The following ROBO1 variants were observed in gnomAD, a reference collection of about 807,000 sequenced individuals.
The protein encoded by ROBO1 is roundabout guidance receptor 1.
Under a neutral mutation model 195.9 loss-of-function variants are expected in ROBO1, and 149 were observed. The observed-to-expected ratio is 0.76, with a 90% CI of 0.67 to 0.87. ROBO1 has a LOEUF of 0.87. Among genes scored for constraint, ROBO1 ranks in the 40% least tolerant of loss-of-function variants. ROBO1 has a pLI of 0.00. For synonymous variants in ROBO1, 816 were observed against 733.2 expected (o/e 1.11, Z -1.82); for missense variants, 1,933 against 2,068.3 (o/e 0.93, Z 1.27).
At chr3:78,600,377 C>G in intron 29 of ROBO1, 68 bp from the exon 30 acceptor site, 3 of 996,678 alleles carry the variant, frequency 3.0e-6, no homozygotes, top group Non-Finnish European at 4.6e-6. Flanking sequence ...TTGTATCACT[C>G]CTGTCTATCT....
At chr3:79,264,760 A>G (rs554003825) in intron 2 of ROBO1, among the ~76,000 whole-genome samples, 7 of 151,980 alleles carry the variant, frequency 4.6e-5, no homozygotes, top group African/African-American at 1.7e-4. Context: ...GCATTGAATG[A>G]CATTACTACT....
chr3:79,022,250 G>C (rs529864400), intron 3 of ROBO1, among the ~76,000 whole-genome samples: 1 of 152,326 alleles, frequency 6.6e-6, no homozygotes, highest in African/African-American at 2.4e-5. Flanking sequence ...TAAACACTTA[G>C]TGAACATCAT....
intron 2 of ROBO1, among the ~76,000 whole-genome samples, chr3:79,457,172 A>G (rs1382775415): frequency 6.6e-6 from 1 of 152,178 alleles, no homozygotes; most frequent in Non-Finnish European, 1.5e-5. Context: ...AATCACAGAA[A>G]ATTAAAATTT....
At chr3:79,320,786 T>C (rs949638652) in intron 2 of ROBO1, among the ~76,000 whole-genome samples, 2 of 152,194 alleles carry the variant, frequency 1.3e-5, no homozygotes, top group Non-Finnish European at 2.9e-5. Flanking sequence ...TATCTCAGAG[T>C]GGATGTAAAC....
chr3:78,669,976 A>T, intron 11 of ROBO1, 120 bp downstream of exon 11: 1 of 676,080 alleles, frequency 1.5e-6, no homozygotes, highest in Non-Finnish European at 2.4e-6. Flanking sequence ...AATTAAAAAT[A>T]TATTACTACT....
At chr3:79,513,402 T>A (rs147384982) in intron 2 of ROBO1, among the ~76,000 whole-genome samples, 1,649 of 152,094 alleles carry the variant, frequency 0.011, 28 homozygotes, top group African/African-American at 0.038. Flanking sequence ...ATCTTTATGT[T>A]CCAAGGAGCA....
intron 4 of ROBO1, among the ~76,000 whole-genome samples, chr3:78,837,605 A>AT (rs947804979): frequency 1.3e-5 from 2 of 152,128 alleles, no homozygotes; most frequent in Non-Finnish European, 2.9e-5. Flanking sequence ...CAAAACTATC[A>AT]TTTTTTGATG....
intron 1 of ROBO1, among the ~76,000 whole-genome samples, chr3:79,598,981 CAA>C (rs1944261938): frequency 6.6e-6 from 1 of 152,086 alleles, no homozygotes; most frequent in Non-Finnish European, 1.5e-5. Context: ...AACCTATTTA[CAA>C]CCAAGGACTC....
At chr3:79,452,483 A>G (rs1032832836) in intron 2 of ROBO1, among the ~76,000 whole-genome samples, 1 of 152,082 alleles carries the variant, frequency 6.6e-6, no homozygotes, top group African/African-American at 2.4e-5. Context: ...TCAGTTTTGC[A>G]TATTTCATAA....
intron 2 of ROBO1, among the ~76,000 whole-genome samples, chr3:79,219,259 A>G (rs552535011): frequency 6.6e-6 from 1 of 152,122 alleles, no homozygotes; most frequent in East Asian, 1.9e-4. Context: ...TGATGGGTAT[A>G]CAAAGTTACA....
intron 1 of ROBO1, among the ~76,000 whole-genome samples, chr3:79,654,306 G>A (rs531721619): frequency 5.7e-4 from 86 of 151,998 alleles, no homozygotes; most frequent in Non-Finnish European, 1.0e-3. Flanking sequence ...TAAAATGACC[G>A]TAGTTTTGAG....
intron 3 of ROBO1, among the ~76,000 whole-genome samples, chr3:79,120,132 C>T (rs918433942): frequency 6.6e-5 from 10 of 151,912 alleles, no homozygotes; most frequent in Admixed American, 5.9e-4. Context: ...GTACTAAGCA[C>T]AGTGATAAAA....
intron 2 of ROBO1, among the ~76,000 whole-genome samples, chr3:79,535,400 A>T (rs900353221): frequency 8.5e-5 from 13 of 152,180 alleles, no homozygotes; most frequent in African/African-American, 3.1e-4. Flanking sequence ...AGCATGAGCT[A>T]CTGAGTTCAT....
At chr3:78,689,633 A>G (rs930390577) in intron 8 of ROBO1, among the ~76,000 whole-genome samples, 8 of 152,022 alleles carry the variant, frequency 5.3e-5, no homozygotes, top group African/African-American at 1.7e-4. Flanking sequence ...TTCATTTCGT[A>G]TCAGCTCTGA....
intron 2 of ROBO1, among the ~76,000 whole-genome samples, chr3:79,331,839 C>T (rs1394726685): frequency 6.6e-5 from 10 of 152,116 alleles, no homozygotes; most frequent in South Asian, 2.1e-4. Context: ...TAATTTTCTG[C>T]GACATTAAGA....
chr3:79,173,023 A>T (rs2081194190), intron 2 of ROBO1, among the ~76,000 whole-genome samples: 1 of 152,202 alleles, frequency 6.6e-6, no homozygotes, highest in East Asian at 1.9e-4. Flanking sequence ...ATAACACTGA[A>T]GGCTCTTTAA....
chr3:79,448,708 A>G (rs1458104412), intron 2 of ROBO1, among the ~76,000 whole-genome samples: 1 of 152,184 alleles, frequency 6.6e-6, no homozygotes, highest in Non-Finnish European at 1.5e-5. Flanking sequence ...ATCAAGAAGA[A>G]AGATTAATGA....
chr3:79,739,137 T>G (rs1397743792), intron 1 of ROBO1, among the ~76,000 whole-genome samples: 1 of 152,190 alleles, frequency 6.6e-6, no homozygotes, highest in Non-Finnish European at 1.5e-5. Context: ...TTTATTGGAT[T>G]GAGGCAAGAA....
chr3:78,627,892 G>C (rs1033816845), intron 25 of ROBO1, among the ~76,000 whole-genome samples: 1 of 151,622 alleles, frequency 6.6e-6, no homozygotes, highest in African/African-American at 2.4e-5. Flanking sequence ...TTCTCTAAAA[G>C]ACTCAAAGAT....
Sources: allele counts gnomAD v4.1 joint callset (sites outside exome capture counted in the v4.1 genomes callset), GRCh38; gene constraint gnomAD v4.1.1; transcripts MANE v1.5; gene names NCBI Gene and HGNC (gene_info 2026-07-23, HGNC 2026-07-21).